RPH3AL: variants seen among roughly 807,000 people sequenced by gnomAD.
RPH3AL encodes the protein rab effector Noc2.
RPH3AL carries 38 observed loss-of-function variants against 43.1 expected under a neutral mutation model. The ratio of observed to expected loss-of-function variants is 0.88; its 90% CI spans 0.68 to 1.15. RPH3AL has a LOEUF of 1.15. Ranked by LOEUF, RPH3AL falls within the 50% of genes most tolerant of loss-of-function variation. RPH3AL has a pLI of 0.00. For synonymous variants in RPH3AL, 189 were observed against 176.3 expected (o/e 1.07, Z -0.57); for missense variants, 462 against 423.2 (o/e 1.09, Z -0.81).
At chr17:238,357 A>C (rs2041451920) in intron 7 of RPH3AL, among the ~76,000 whole-genome samples, 1 of 152,100 alleles carries the variant, frequency 6.6e-6, no homozygotes, top group Non-Finnish European at 1.5e-5. Context: ...GAGAAAAGAA[A>C]AGAAACGAAA....
chr17:286,334 C>T lies in RPH3AL; in HGVS notation c.352-4480G>A, dbSNP rs574580777. 8.5e-5 allele frequency among the ~76,000 whole-genome samples: 13 copies of T among 152,260 alleles called. No individual in the cohort carries two copies. The East Asian group carries it at 2.1e-3, about 25-fold the overall frequency. On this transcript the variant is annotated intron_variant, in intron 5 of 9. Coordinates refer to ENST00000331302, the MANE Select transcript of RPH3AL (RefSeq NM_006987.4). ...CTGGTGCTTCCTGCTCCCCAGATCG[C>T]GCCTCGGGCAGCCTGTTTTCCCGCT... is the stretch of plus-strand genomic sequence containing the variant.
At chr17:347,151 A>G (rs2045252453) in intron 1 of RPH3AL, among the ~76,000 whole-genome samples, 1 of 134,468 alleles carries the variant, frequency 7.4e-6, no homozygotes, top group African/African-American at 2.6e-5. Context: ...CCAGCTATTC[A>G]GGAGGCTGAG....
intron 9 of RPH3AL, 50 bp from the exon 10 acceptor site, chr17:213,973 T>C: frequency 7.1e-7 from 1 of 1,418,384 alleles, no homozygotes; most frequent in Non-Finnish European, 9.8e-7. Context: ...GTGGAGTCCC[T>C]CCCTCCCCGG....
intron 5 of RPH3AL, among the ~76,000 whole-genome samples, chr17:293,562 G>T (rs2043096792): frequency 6.6e-6 from 1 of 152,190 alleles, no homozygotes; most frequent in Non-Finnish European, 1.5e-5. Flanking sequence ...CAGTCCCAGA[G>T]AGGTTTCTGC....
intron 5 of RPH3AL, among the ~76,000 whole-genome samples, chr17:305,169 C>G (rs1451585036): frequency 6.7e-6 from 1 of 148,954 alleles, no homozygotes; most frequent in East Asian, 2.0e-4. Context: ...TCCGGGGCGT[C>G]TGCACCACCA....
chr17:313,129 T>C (rs1401010595), intron 5 of RPH3AL, among the ~76,000 whole-genome samples: 1 of 152,056 alleles, frequency 6.6e-6, no homozygotes, highest in Admixed American at 6.6e-5. Context: ...CTTCACCCCC[T>C]CTAATTCCTC....
At chr17:314,711 G>GC (rs2043840581) in intron 5 of RPH3AL, among the ~76,000 whole-genome samples, 1 of 24,272 alleles carries the variant, frequency 4.1e-5, no homozygotes, top group Non-Finnish European at 7.1e-5. Context: ...TAGTCTCTGT[G>GC]CTCCACCTCC....
At chr17:329,662 G>A (rs1246011602) in intron 2 of RPH3AL, among the ~76,000 whole-genome samples, 1 of 152,086 alleles carries the variant, frequency 6.6e-6, no homozygotes, top group East Asian at 1.9e-4. Flanking sequence ...CACTTACAAA[G>A]CAATTAGACA....
intron 5 of RPH3AL, among the ~76,000 whole-genome samples, chr17:295,410 T>A (rs868220507): frequency 5.4e-5 from 1 of 18,432 alleles, no homozygotes; most frequent in Non-Finnish European, 1.0e-4. Flanking sequence ...CAGAAATGGA[T>A]GGACAGAGGG....
intron 6 of RPH3AL, among the ~76,000 whole-genome samples, chr17:276,138 T>C (rs1345670416): frequency 1.3e-5 from 2 of 152,182 alleles, no homozygotes; most frequent in Non-Finnish European, 2.9e-5. Context: ...ATCAAACATT[T>C]AAAATAACCA....
chr17:258,159 G>T (rs1385389124), intron 6 of RPH3AL, among the ~76,000 whole-genome samples: 1 of 152,172 alleles, frequency 6.6e-6, no homozygotes, highest in Non-Finnish European at 1.5e-5. Flanking sequence ...TAGGTACGTG[G>T]GGTGCTTCCC....
Position 215,038 on chromosome 17 carries a change from CCA to C in RPH3AL, c.876+614_876+615del, listed in dbSNP as rs1333438561. Among the ~76,000 whole-genome samples, 2 of 152,190 alleles carry C rather than the reference CCA, an allele frequency of 1.3e-5. No homozygotes were observed. The highest frequency in any genetic ancestry group is 4.8e-5 in the African/African-American group (2 of 41,456). On this transcript the variant is annotated intron_variant, in intron 9 of 9. Coordinates refer to ENST00000331302, the MANE Select transcript of RPH3AL (RefSeq NM_006987.4). This position sits in a 1 kb window ranked among gnomAD's most constrained non-coding sequence, Gnocchi z 4.1. ...CCTGTGGGTGGCTGCCGGGTGCCCT[CCA>C]CACCCCGGGGACGGAGATCAGCTGC...
At chr17:309,921 G>A (rs577892221) in intron 5 of RPH3AL, among the ~76,000 whole-genome samples, 23 of 152,244 alleles carry the variant, frequency 1.5e-4, no homozygotes, top group African/African-American at 5.5e-4. Context: ...GCCTGAGCTG[G>A]ACCTCCTCTA....
intron 6 of RPH3AL, among the ~76,000 whole-genome samples, chr17:272,448 C>T (rs1001478718): frequency 6.6e-6 from 1 of 151,702 alleles, no homozygotes. Flanking sequence ...AGTTCATGTC[C>T]TTTGTAGGGA....
intron 2 of RPH3AL, chr17:332,958 GC>G (rs1307350005): frequency 8.2e-7 from 1 of 1,213,386 alleles, no homozygotes; most frequent in African/African-American, 1.6e-5. Flanking sequence ...AACAGGAGTT[GC>G]CGGTGATAAT....
At chr17:304,977 G>GTCATCAGGGTGCTTAGGGTGGGCT (rs1567631207) in intron 5 of RPH3AL, among the ~76,000 whole-genome samples, 6 of 57,554 alleles carry the variant, frequency 1.0e-4, no homozygotes, top group African/African-American at 4.3e-4. Flanking sequence ...GGGGGACAGG[G>GTCATCAGGGTGCTTAGGGTGGGCT]CGGGAGGGGG....
chr17:301,374 G>A (rs2151638226), intron 5 of RPH3AL, among the ~76,000 whole-genome samples: 1 of 152,304 alleles, frequency 6.6e-6, no homozygotes, highest in East Asian at 1.9e-4. Flanking sequence ...CGGGAGCACG[G>A]CTCACTGTAG....
chr17:236,444 C>CA (rs2041396955), intron 7 of RPH3AL, among the ~76,000 whole-genome samples: 1 of 152,026 alleles, frequency 6.6e-6, no homozygotes, highest in African/African-American at 2.4e-5. Context: ...GTTTGACTAT[C>CA]GGACACTGGC....
intron 6 of RPH3AL, among the ~76,000 whole-genome samples, chr17:268,941 C>T (rs975588414): frequency 2.6e-5 from 4 of 152,054 alleles, no homozygotes; most frequent in South Asian, 2.1e-4. Context: ...TGCAGTGCCG[C>T]GATCTCGGCT....
Sources: gnomAD v4.1 joint callset for allele counts (sites outside exome capture counted in the v4.1 genomes callset) on GRCh38, gnomAD v4.1.1 for gene constraint, Gnocchi (gnomAD v3.1) non-coding constraint, MANE v1.5 for transcripts, NCBI Gene and HGNC (gene_info 2026-07-23, HGNC 2026-07-21) for gene names.